Variants in DAB1 observed in about 807,000 individuals in gnomAD.
The protein encoded by DAB1 is DAB adaptor protein 1.
Under a neutral mutation model 64.6 loss-of-function variants are expected in DAB1, and 15 were observed. That is an observed-to-expected ratio of 0.23 (90% CI 0.16 to 0.36). The LOEUF (loss-of-function observed/expected upper bound fraction) is 0.36, where lower values mean the gene tolerates loss of function less well. Among genes scored for constraint, DAB1 ranks in the 10% least tolerant of loss-of-function variants. The pLI, the probability that DAB1 is intolerant of heterozygous loss-of-function variation, is 1.00. For synonymous variants in DAB1, 235 were observed against 251.9 expected (o/e 0.93, Z 0.64); for missense variants, 596 against 706.7 (o/e 0.84, Z 1.78).
intron 6 of DAB1, among the ~76,000 whole-genome samples, chr1:57,790,894 T>A (rs372932694): frequency 4.6e-5 from 7 of 152,140 alleles, no homozygotes; most frequent in South Asian, 2.1e-4. Context: ...CACACTCACA[T>A]GCATGTGTAC....
intron 4 of DAB1, among the ~76,000 whole-genome samples, chr1:58,154,408 G>A (rs1655108674): frequency 6.6e-6 from 1 of 152,092 alleles, no homozygotes; most frequent in Admixed American, 6.6e-5. Flanking sequence ...TGCACCACCA[G>A]ATCACCAGGC....
intron 2 of DAB1, among the ~76,000 whole-genome samples, chr1:57,169,609 T>C (rs948212447): frequency 1.2e-4 from 18 of 152,122 alleles, no homozygotes; most frequent in Admixed American, 5.2e-4. Context: ...TAACATCCAA[T>C]TGTAGCAAAA....
At chr1:57,185,119 A>G (rs755478985) in intron 2 of DAB1, among the ~76,000 whole-genome samples, 6 of 151,814 alleles carry the variant, frequency 4.0e-5, no homozygotes, top group Non-Finnish European at 7.4e-5. Context: ...CCCTGCTCCA[A>G]ACATGCTTCC....
At chr1:57,175,337 C>T (rs1271660639) in intron 2 of DAB1, among the ~76,000 whole-genome samples, 12 of 143,192 alleles carry the variant, frequency 8.4e-5, no homozygotes, top group African/African-American at 3.1e-4. Context: ...TTTTTGAGTA[C>T]CTGACAAACT....
chr1:57,031,675 T>C (rs1646969871), intron 9 of DAB1, among the ~76,000 whole-genome samples: 1 of 152,232 alleles, frequency 6.6e-6, no homozygotes, highest in Non-Finnish European at 1.5e-5. Flanking sequence ...CAAACCTTAG[T>C]TAGCCTTGCT....
At chr1:57,796,862 A>G (rs918784873) in intron 6 of DAB1, among the ~76,000 whole-genome samples, 1 of 152,006 alleles carries the variant, frequency 6.6e-6, no homozygotes, top group African/African-American at 2.4e-5. Context: ...AGATCCCCAC[A>G]TCTGCGTCAT....
chr1:57,426,412 A>C (rs1055638186), upstream of DAB1, among the ~76,000 whole-genome samples: 3 of 152,244 alleles, frequency 2.0e-5, no homozygotes, highest in Admixed American at 6.5e-5. Context: ...TTCAAGTTAA[A>C]CTAAACCAAA....
At chr1:57,141,688 C>A (rs1262574760) in intron 3 of DAB1, among the ~76,000 whole-genome samples, 8 of 152,162 alleles carry the variant, frequency 5.3e-5, no homozygotes, top group Admixed American at 3.3e-4. Context: ...GCTCTCCAGG[C>A]ACTGCCTTTG....
intron 3 of DAB1, among the ~76,000 whole-genome samples, chr1:58,389,198 G>A (rs557175388): frequency 2.6e-5 from 4 of 152,328 alleles, no homozygotes; most frequent in African/African-American, 9.6e-5. Context: ...AGTACTTTGG[G>A]AGGCCGAGTG....
At chr1:58,045,432 G>A (rs961570073) in intron 5 of DAB1, among the ~76,000 whole-genome samples, 8 of 152,106 alleles carry the variant, frequency 5.3e-5, no homozygotes, top group Non-Finnish European at 1.0e-4. Context: ...CCGCGAGCGG[G>A]GCTGTTACCC....
intron 7 of DAB1, among the ~76,000 whole-genome samples, chr1:57,541,792 T>C (rs920380479): frequency 4.6e-5 from 7 of 152,348 alleles, no homozygotes; most frequent in Non-Finnish European, 8.8e-5. Flanking sequence ...CTAACAACCA[T>C]AGTCTTACTA....
intron 2 of DAB1, among the ~76,000 whole-genome samples, chr1:57,174,821 T>C (rs1003660201): frequency 2.6e-5 from 4 of 152,154 alleles, no homozygotes; most frequent in African/African-American, 7.2e-5. Flanking sequence ...TCTCATACAC[T>C]TCTGTTCCCA....
chr1:57,032,305 G>C (rs926381093), intron 9 of DAB1, among the ~76,000 whole-genome samples: 2 of 152,164 alleles, frequency 1.3e-5, no homozygotes, highest in African/African-American at 4.8e-5. Flanking sequence ...AAGGGCTACA[G>C]AGATAGGTAA....
At chr1:58,267,360 T>C (rs1197391239) in intron 4 of DAB1, among the ~76,000 whole-genome samples, 1 of 152,238 alleles carries the variant, frequency 6.6e-6, no homozygotes, top group Non-Finnish European at 1.5e-5. Flanking sequence ...CGGGGTTCTT[T>C]CTTTCTCTGC....
At chr1:57,571,183 G>C (rs886329299) in intron 7 of DAB1, among the ~76,000 whole-genome samples, 1 of 152,112 alleles carries the variant, frequency 6.6e-6, no homozygotes, top group Non-Finnish European at 1.5e-5. Context: ...TACTGATTTG[G>C]GTGCCCTTTA....
intron 4 of DAB1, among the ~76,000 whole-genome samples, chr1:57,073,901 G>A (rs1427053724): frequency 6.6e-6 from 1 of 152,174 alleles, no homozygotes; most frequent in Non-Finnish European, 1.5e-5. Context: ...TTTTGAGACA[G>A]GGTCTCACCC....
At chr1:58,177,266 G>A (rs1480461520) in intron 4 of DAB1, among the ~76,000 whole-genome samples, 2 of 152,122 alleles carry the variant, frequency 1.3e-5, no homozygotes, top group African/African-American at 4.8e-5. Flanking sequence ...TTCTCACTTA[G>A]AACAAAAGCC....
intron 1 of DAB1, chr1:58,530,633 A>G (rs141238120): frequency 3.0e-5 from 26 of 872,680 alleles, no homozygotes; most frequent in Non-Finnish European, 5.2e-5. Flanking sequence ...CACTGGCACA[A>G]AAGTGCCAAG....
chr1:57,745,332 G>T (rs1235319737), intron 6 of DAB1, among the ~76,000 whole-genome samples: 1 of 152,072 alleles, frequency 6.6e-6, no homozygotes, highest in African/African-American at 2.4e-5. Context: ...ACTTTAATTA[G>T]ATGAGTTTAA....
Sources: gnomAD v4.1 joint callset for allele counts (sites outside exome capture counted in the v4.1 genomes callset) on GRCh38, gnomAD v4.1.1 for gene constraint, MANE v1.5 for transcripts, NCBI Gene and HGNC (gene_info 2026-07-23, HGNC 2026-07-21) for gene names.